Variants in PCDH15 observed in about 807,000 individuals in gnomAD.
The protein encoded by PCDH15 is protocadherin-15.
PCDH15 carries 129 observed loss-of-function variants against 178.5 expected under a neutral mutation model. The ratio of observed to expected loss-of-function variants is 0.72; its 90% CI spans 0.63 to 0.84. The LOEUF (loss-of-function observed/expected upper bound fraction) is 0.84. Among genes scored for constraint, PCDH15 ranks in the 40% least tolerant of loss-of-function variants. PCDH15 has a pLI of 0.00. For missense variants in PCDH15, 2,230 were observed against 2,099.9 expected (o/e 1.06, Z -1.21); for synonymous variants, 800 against 732.0 (o/e 1.09, Z -1.50).
chr10:55,209,748 T>A (rs1361107615), intron 1 of PCDH15, among the ~76,000 whole-genome samples: 1 of 152,086 alleles, frequency 6.6e-6, no homozygotes, highest in Non-Finnish European at 1.5e-5. Context: ...ATTATGTTTT[T>A]TAAATAACAT....
At chr10:54,660,238 T>A in intron 2 of PCDH15, among the ~76,000 whole-genome samples, 1 of 151,998 alleles carries the variant, frequency 6.6e-6, no homozygotes, top group African/African-American at 2.4e-5. Context: ...TCAGAAATAA[T>A]AAAAATGTGG....
At chr10:53,990,062 G>A (rs2091360666) in intron 21 of PCDH15, among the ~76,000 whole-genome samples, 1 of 152,026 alleles carries the variant, frequency 6.6e-6, no homozygotes. Context: ...GTTAAGCATT[G>A]GGAAATGTCC....
chr10:54,127,095 G>A (rs1205091837), intron 15 of PCDH15, among the ~76,000 whole-genome samples: 1 of 151,974 alleles, frequency 6.6e-6, no homozygotes. Flanking sequence ...AAATAAGAAA[G>A]TAGCAGCCAA....
At chr10:54,707,846 C>T (rs867300748) in intron 1 of PCDH15, among the ~76,000 whole-genome samples, 3 of 151,938 alleles carry the variant, frequency 2.0e-5, no homozygotes, top group African/African-American at 7.2e-5. Context: ...ATAAAGAAAC[C>T]CATAAAGAGA....
intron 1 of PCDH15, among the ~76,000 whole-genome samples, chr10:54,698,285 A>G (rs2135912440): frequency 6.6e-6 from 1 of 152,300 alleles, no homozygotes; most frequent in African/African-American, 2.4e-5. Flanking sequence ...AATTAAGTAC[A>G]TAGATTTCTT....
intron 2 of PCDH15, among the ~76,000 whole-genome samples, chr10:55,053,032 A>G (rs1234756924): frequency 2.6e-5 from 4 of 152,156 alleles, no homozygotes; most frequent in Non-Finnish European, 4.4e-5. Context: ...GAGACAAGGA[A>G]CCTCATCTCT....
intron 2 of PCDH15, among the ~76,000 whole-genome samples, chr10:55,052,660 G>A (rs768098193): frequency 2.6e-5 from 4 of 151,322 alleles, no homozygotes; most frequent in Admixed American, 6.6e-5. Flanking sequence ...AGGTTGTGGT[G>A]AGCCGAGATC....
intron 5 of PCDH15, among the ~76,000 whole-genome samples, chr10:54,352,849 G>A (rs1016136456): frequency 3.3e-5 from 5 of 152,168 alleles, no homozygotes; most frequent in South Asian, 2.1e-4. Flanking sequence ...AATCTTCCAC[G>A]TTTAATCAAC....
chr10:54,353,261 T>TAA (rs201134885), intron 5 of PCDH15, among the ~76,000 whole-genome samples: 2 of 151,780 alleles, frequency 1.3e-5, no homozygotes, highest in African/African-American at 4.8e-5. Flanking sequence ...CCAGAACTGA[T>TAA]AAAAAAAATA....
chr10:55,536,809 T>C (rs1841588191), intron 2 of PCDH15, among the ~76,000 whole-genome samples: 1 of 152,162 alleles, frequency 6.6e-6, no homozygotes, highest in Admixed American at 6.6e-5. Context: ...CTTTTTCATT[T>C]ACTGAAATAG....
intron 2 of PCDH15, among the ~76,000 whole-genome samples, chr10:55,330,321 G>A (rs1290045384): frequency 1.3e-5 from 2 of 151,656 alleles, no homozygotes; most frequent in African/African-American, 2.4e-5. Flanking sequence ...ATTATAAAAG[G>A]CATCACTGAT....
chr10:54,260,394 T>TAA (rs1203840511), intron 8 of PCDH15, among the ~76,000 whole-genome samples: 1 of 75,398 alleles, frequency 1.3e-5, no homozygotes, highest in Non-Finnish European at 3.4e-5. Context: ...CTATGCTAGT[T>TAA]TAAAAAAATT....
intron 3 of PCDH15, among the ~76,000 whole-genome samples, chr10:54,380,898 G>T (rs1236517443): frequency 6.6e-6 from 1 of 150,856 alleles, no homozygotes; most frequent in Non-Finnish European, 1.5e-5. Flanking sequence ...TTTATTTAAA[G>T]ATTCTAACTT....
chr10:55,520,334 A>G (rs1003598416), intron 2 of PCDH15, among the ~76,000 whole-genome samples: 3 of 114,832 alleles, frequency 2.6e-5, no homozygotes, highest in South Asian at 3.0e-4. Context: ...GTGTATATAT[A>G]TATATATATA....
chr10:54,842,435 A>G (rs2133762527), intron 3 of PCDH15, among the ~76,000 whole-genome samples: 1 of 152,000 alleles, frequency 6.6e-6, no homozygotes, highest in South Asian at 2.1e-4. Context: ...TAGAGCAATG[A>G]ATCTTTGCTA....
At chr10:53,832,308 G>A (rs1310960351) in intron 29 of PCDH15, among the ~76,000 whole-genome samples, 2 of 151,916 alleles carry the variant, frequency 1.3e-5, no homozygotes, top group Non-Finnish European at 1.5e-5. Context: ...CTAATCTTAT[G>A]AGATTGAAAA....
At chr10:55,503,613 T>C (rs1240633784) in intron 2 of PCDH15, among the ~76,000 whole-genome samples, 1 of 151,290 alleles carries the variant, frequency 6.6e-6, no homozygotes, top group Non-Finnish European at 1.5e-5. Flanking sequence ...ATCATTTATA[T>C]GAGTATTAGA....
chr10:53,929,478 G>A (rs1322969758), intron 25 of PCDH15, among the ~76,000 whole-genome samples: 1 of 151,958 alleles, frequency 6.6e-6, no homozygotes, highest in Non-Finnish European at 1.5e-5. Context: ...CCATATATTT[G>A]TACTATAAAT....
chr10:54,043,372 G>GCT (rs147452146), intron 18 of PCDH15, among the ~76,000 whole-genome samples: 83,706 of 150,174 alleles, frequency 0.56, 23,358 homozygotes, highest in Middle Eastern at 0.69. Flanking sequence ...ATTACAACCT[G>GCT]CTCTCTCTCT....
Sources: gnomAD v4.1 joint callset for allele counts (sites outside exome capture counted in the v4.1 genomes callset) on GRCh38, gnomAD v4.1.1 for gene constraint, MANE v1.5 for transcripts, NCBI Gene and HGNC (gene_info 2026-07-23, HGNC 2026-07-21) for gene names.